Variants in GPBP1L1 observed in about 807,000 individuals in gnomAD.
GPBP1L1 encodes GC-rich promoter binding protein 1 like 1.
Under a neutral mutation model 52.5 loss-of-function variants are expected in GPBP1L1, and 23 were observed. The ratio of observed to expected loss-of-function variants is 0.44; its 90% CI spans 0.32 to 0.62. The LOEUF is 0.62. Ranked by LOEUF, GPBP1L1 falls within the 20% of genes least tolerant of loss-of-function variation. The pLI, the probability that GPBP1L1 is intolerant of heterozygous loss-of-function variation, is 0.06. For synonymous variants in GPBP1L1, 243 were observed against 203.1 expected (o/e 1.20, Z -1.67); for missense variants, 596 against 579.3 (o/e 1.03, Z -0.30).
chr1:45,633,822 A>C, intron 9 of GPBP1L1, 175 bp from the exon 10 acceptor site: 1 of 716,036 alleles, frequency 1.4e-6, no homozygotes, highest in Non-Finnish European at 2.2e-6. Flanking sequence ...TATATAGTTA[A>C]GAGCAGCTGG....
chr1:45,680,399 C>T (rs371904530), intron 2 of GPBP1L1, among the ~76,000 whole-genome samples: 8 of 151,816 alleles, frequency 5.3e-5, no homozygotes, highest in African/African-American at 1.9e-4. Context: ...CCACCATGCC[C>T]GGCTAATTTT....
In GPBP1L1 at chr1:45,686,455, G is replaced by C. The variant is rs913753946; in HGVS notation, c.-1186C>G. 6 of 152,522 alleles carry C rather than the reference G, an allele frequency of 3.9e-5. No individual in the cohort carries two copies. Among genetic ancestry groups the C allele is most frequent in the South Asian group, 4.1e-4 (2 of 4,830 alleles). 9.4% of individuals were successfully genotyped at this position (152,522 alleles called of 1,614,324 possible). A position where few individuals can be genotyped will look rare whatever the true frequency, so the allele number is the denominator to read the frequency against. On this transcript the variant is annotated 5_prime_UTR_variant, in exon 1 of 13. Coordinates refer to ENST00000355105, the MANE Select transcript of GPBP1L1 (RefSeq NM_021639.5). ...TGGCCAGGGACTAGACGCTGCGTCT[G>C]AGGACGCGTCCCCAGCTTGTCGACC...
intron 2 of GPBP1L1, among the ~76,000 whole-genome samples, chr1:45,680,877 A>G (rs1373626836): frequency 6.6e-6 from 1 of 152,166 alleles, no homozygotes; most frequent in Non-Finnish European, 1.5e-5. Context: ...CAAATAATAA[A>G]ATGCCTAATA....
intron 2 of GPBP1L1, among the ~76,000 whole-genome samples, chr1:45,672,346 A>C (rs1400693325): frequency 6.7e-6 from 1 of 148,874 alleles, no homozygotes; most frequent in Non-Finnish European, 1.5e-5. Flanking sequence ...CAGGCGACAA[A>C]AAAAAAAAAA....
intron 2 of GPBP1L1, among the ~76,000 whole-genome samples, chr1:45,684,461 T>C (rs955919418): frequency 4.6e-5 from 7 of 152,098 alleles, no homozygotes; most frequent in Non-Finnish European, 8.8e-5. Context: ...AGCAGAAATG[T>C]GCACCAGATT....
chr1:45,675,288 T>G (rs1645125759), intron 2 of GPBP1L1, among the ~76,000 whole-genome samples: 1 of 151,822 alleles, frequency 6.6e-6, no homozygotes. Context: ...AGAGCGAGAC[T>G]CTGTCTCAAA....
At chr1:45,629,463 C>CA (rs1185316991) in intron 12 of GPBP1L1, 113 bp downstream of exon 12, 19 of 142,302 alleles carry the variant, frequency 1.3e-4, no homozygotes, top group Middle Eastern at 2.2e-3. Flanking sequence ...ATCCCCCCCC[C>CA]CCCCACCCGA....
intron 2 of GPBP1L1, among the ~76,000 whole-genome samples, chr1:45,683,986 G>A (rs1645246143): frequency 6.6e-6 from 1 of 151,328 alleles, no homozygotes; most frequent in African/African-American, 2.4e-5. Flanking sequence ...GGGCGGGGGC[G>A]GTGGCTCATG....
chr1:45,665,007 G>T (rs971574781), intron 2 of GPBP1L1, among the ~76,000 whole-genome samples: 7 of 152,054 alleles, frequency 4.6e-5, no homozygotes, highest in African/African-American at 1.7e-4. Flanking sequence ...GATGAAAGAT[G>T]GCCGGGCGTG....
chr1:45,676,786 G>GGAGGAT (rs1645150712), intron 2 of GPBP1L1, among the ~76,000 whole-genome samples: 1 of 151,898 alleles, frequency 6.6e-6, no homozygotes, highest in South Asian at 2.1e-4. Context: ...AGCTGAAGTG[G>GGAGGAT]GAGGATCCCT....
intron 11 of GPBP1L1, 48 bp from the exon 12 acceptor site, chr1:45,629,726 C>T (rs1378470315): frequency 4.2e-6 from 5 of 1,204,368 alleles, no homozygotes. Context: ...ATCACTAAGC[C>T]TAAGTGAACA....
chr1:45,682,868 G>C (rs1645227804), intron 2 of GPBP1L1, among the ~76,000 whole-genome samples: 2 of 152,118 alleles, frequency 1.3e-5, no homozygotes, highest in Admixed American at 1.3e-4. Context: ...GGCTGTTTGA[G>C]GCAGATTTCA....
intron 9 of GPBP1L1, 165 bp downstream of exon 9, chr1:45,633,931 C>T: frequency 1.3e-6 from 1 of 769,426 alleles, no homozygotes; most frequent in South Asian, 2.1e-5. Flanking sequence ...TCCCATTTAG[C>T]CACTGCCCAC....
intron 8 of GPBP1L1, among the ~76,000 whole-genome samples, chr1:45,636,313 T>G (rs1435005950): frequency 6.6e-6 from 1 of 152,224 alleles, no homozygotes; most frequent in Admixed American, 6.5e-5. Context: ...CATTCCAGAC[T>G]CAGTACTCTT....
intron 1 of GPBP1L1, among the ~76,000 whole-genome samples, chr1:45,686,090 G>A (rs1557728385): frequency 6.6e-6 from 1 of 152,242 alleles, no homozygotes; most frequent in Non-Finnish European, 1.5e-5. Context: ...CGAGCACCAA[G>A]CCGGATCGCC....
At chr1:45,645,803 A>G in intron 6 of GPBP1L1, 1 of 380,686 alleles carries the variant, frequency 2.6e-6, no homozygotes, top group South Asian at 2.1e-5. Context: ...ATTTGTAAAT[A>G]TGTATTGCAT....
At chr1:45,643,715 G>A (rs986569336) in intron 6 of GPBP1L1, among the ~76,000 whole-genome samples, 3 of 124,312 alleles carry the variant, frequency 2.4e-5, no homozygotes, top group African/African-American at 9.4e-5. Flanking sequence ...TGTTGCCCAG[G>A]TTGGAGTACA....
intron 12 of GPBP1L1, among the ~76,000 whole-genome samples, chr1:45,629,095 C>T (rs555670390): frequency 6.6e-6 from 1 of 152,274 alleles, no homozygotes; most frequent in African/African-American, 2.4e-5. Flanking sequence ...ATAGAAACCC[C>T]ATTTGTCTTG....
intron 4 of GPBP1L1, among the ~76,000 whole-genome samples, chr1:45,657,679 T>C (rs1644901260): frequency 6.6e-6 from 1 of 152,060 alleles, no homozygotes; most frequent in Admixed American, 6.6e-5. Context: ...GGTGAGACCC[T>C]ATCTCTACAA....
Sources: allele counts gnomAD v4.1 joint callset (sites outside exome capture counted in the v4.1 genomes callset), GRCh38; gene constraint gnomAD v4.1.1; transcripts MANE v1.5; gene names NCBI Gene and HGNC (gene_info 2026-07-23, HGNC 2026-07-21).